Variants in TPT1 observed in about 807,000 individuals in gnomAD.
The protein encoded by TPT1 is translationally-controlled tumor protein.
A neutral mutation model predicts 22.8 loss-of-function variants in TPT1; 5 were observed. That is an observed-to-expected ratio of 0.22 (90% confidence interval 0.11 to 0.46). TPT1 has a LOEUF of 0.46. TPT1 is among the 20% of genes least tolerant of loss of function. TPT1 has a pLI of 0.99. For missense variants in TPT1, 130 were observed against 218.7 expected (o/e 0.59, Z 2.56); for synonymous variants, 89 against 73.6 (o/e 1.21, Z -1.07).
At chr13:45,340,638 C>T in intron 2 of TPT1, 74 bp downstream of exon 2, 1 of 1,509,164 alleles carries the variant, frequency 6.6e-7, no homozygotes, top group Non-Finnish European at 9.0e-7. Flanking sequence ...ATTGCACAAC[C>T]TCAGGCGGGG....
chr13:45,337,082 G>T lies in TPT1; in HGVS notation c.*304C>A, dbSNP rs1339493826. 1 of 414,732 alleles carries T rather than the reference G, an allele frequency of 2.4e-6. No individual in the cohort carries two copies. 25.7% of individuals were successfully genotyped at this position (414,732 alleles called of 1,614,324 possible). ...GTCTCCACTGTAGAAGTTAATTGAT[G>T]AGTAGTAGCCTACAATCAGGCTCTA... On this transcript the variant is annotated 3_prime_UTR_variant, in exon 6 of 6. Transcript: ENST00000530705.
Position 45,336,138 on chromosome 13 carries a change from C to T in TPT1, c.*1248G>A, listed in dbSNP as rs919665740. 2.0e-5 allele frequency: 3 copies of T among 152,232 alleles called. No individual in the cohort carries two copies. The highest frequency in any genetic ancestry group is 7.2e-5 in the African/African-American group (3 of 41,454). The allele number at this position is 152,232 out of a possible 1,614,324, so 9.4% of individuals were successfully genotyped here. ...CCTGGGCAACTAAGCGATACTCGGT[C>T]TCTACAAAAATTAGCTGGGCATAGG... is the stretch of plus-strand genomic sequence containing the variant. On this transcript the variant is annotated 3_prime_UTR_variant, in exon 6 of 6. Coordinates refer to ENST00000530705, the MANE Select transcript of TPT1 (RefSeq NM_003295.4).
chr13:45,337,596 A>G, intron 5 of TPT1: 1 of 1,596,064 alleles, frequency 6.3e-7, no homozygotes, highest in Non-Finnish European at 8.5e-7. Flanking sequence ...TTCAAGGTCT[A>G]TCAGTGGATG....
chr13:45,339,083 T>C (rs1370065453), intron 4 of TPT1: 7 of 315,140 alleles, frequency 2.2e-5, no homozygotes, highest in African/African-American at 4.3e-5. Context: ...ACAGGGAACA[T>C]AAGGCTGACA....
chr13:45,340,736 C>A lies in TPT1; in HGVS notation c.78G>T (p.Gly26=). Reference sequence around the variant, plus strand: ...CCTTCCCCTCCACCTCCAGGCACAACCCGTCCGCGATCTCCCGGATCTTGT... The same window carrying A: ...CCTTCCCCTCCACCTCCAGGCACAAACCGTCCGCGATCTCCCGGATCTTGT... ...DIYKIREIAD[G]LCLEVEGKMV... Residue 26 remains glycine, a synonymous_variant, in exon 2 of 6, where the codon GGG becomes GGT. Transcript: ENST00000530705. 1 of 1,525,478 alleles carries A rather than the reference C, an allele frequency of 6.6e-7. No individual in the cohort carries two copies. 94.5% of individuals were successfully genotyped at this position (1,525,478 alleles called of 1,614,324 possible).
At chr13:45,338,397 G>C (rs1878856164) in intron 5 of TPT1, 1 of 538,152 alleles carries the variant, frequency 1.9e-6, no homozygotes, top group African/African-American at 2.0e-5. Flanking sequence ...GAAATTACAG[G>C]TGTGAGCCAC....
At position 45,341,155 on chromosome 13, in the gene TPT1, T is replaced by G. The variant is rs543602973; in HGVS notation, c.-86A>C. The G allele has an allele frequency of 1.7e-5, 27 of 1,569,810 alleles. No homozygotes were observed. The South Asian group carries it at 2.2e-4, about 13-fold the overall frequency. On this transcript the variant is annotated 5_prime_UTR_variant, in exon 1 of 6. Coordinates refer to ENST00000530705, the MANE Select transcript of TPT1 (RefSeq NM_003295.4). Reference sequence around the variant, plus strand: ...GAGCGCGGTGCAGCCGGAGCGGCGCTCGGGGGGAGGGGGGAGCGGGCGGAA... The same window carrying G: ...GAGCGCGGTGCAGCCGGAGCGGCGCGCGGGGGGAGGGGGGAGCGGGCGGAA...
At chr13:45,337,789 TTA>T (rs1459178284) in intron 5 of TPT1, among the ~76,000 whole-genome samples, 4 of 152,352 alleles carry the variant, frequency 2.6e-5, no homozygotes, top group Admixed American at 6.5e-5. Context: ...CAGTATAGCT[TTA>T]TGTTTTTCTT....
chr13:45,335,586 T>TGGG lies in TPT1; in HGVS notation c.*1799_*1800insCCC, dbSNP rs1878619908. On this transcript the variant is annotated 3_prime_UTR_variant, in exon 6 of 6. Coordinates refer to ENST00000530705, the MANE Select transcript of TPT1 (RefSeq NM_003295.4). ...TATCATTTCAGAGGACAAAAGGCCC[T>TGGG]GTAGATGAGACTCACACTTTTCATT... 1 of 152,168 alleles carries TGGG rather than the reference T, an allele frequency of 6.6e-6. No homozygotes were observed. Among genetic ancestry groups the TGGG allele is most frequent in the African/African-American group, 2.4e-5 (1 of 41,440 alleles). 9.4% of individuals were successfully genotyped at this position (152,168 alleles called of 1,614,324 possible).
chr13:45,338,772 A>G lies in TPT1; in HGVS notation c.404T>C (p.Phe135Ser). ...ATCTGGATTCATGTTTTCACCAATA[A>G]AGAACTTGGGAAGCAAACAAAATAC... ...ILANFKNYQF[F>S]IGENMNPDGM... The change falls in exon 5 of 6, where the codon TTT (phenylalanine) becomes TCT (serine). Residue 135 changes from phenylalanine to serine, a missense_variant. Coordinates refer to ENST00000530705, the MANE Select transcript of TPT1 (RefSeq NM_003295.4). 6.3e-7 allele frequency: 1 copy of G among 1,585,234 alleles called. No individual in the cohort carries two copies. The highest frequency in any genetic ancestry group is 8.5e-7 in the Non-Finnish European group (1 of 1,171,894).
Position 45,335,386 on chromosome 13 carries a change from G to GA in TPT1, c.*1999dup, listed in dbSNP as rs958530931. The stretch of plus-strand genomic sequence containing the variant: ...GGGGAAATACCTCTTCTGCAGAACT[G>GA]AAAATCTTCAAAACAAGTTGGAGCA... On this transcript the variant is annotated 3_prime_UTR_variant, in exon 6 of 6. Coordinates refer to ENST00000530705, the MANE Select transcript of TPT1 (RefSeq NM_003295.4). The GA allele has an allele frequency of 7.2e-5, 11 of 152,228 alleles. No homozygotes were observed. The highest frequency in any genetic ancestry group is 1.5e-5 in the Non-Finnish European group (1 of 68,046). The allele number at this position is 152,228 out of a possible 1,614,324, so 9.4% of individuals were successfully genotyped here.
intron 4 of TPT1, 169 bp from the exon 5 acceptor site, chr13:45,338,945 C>A (rs41289547): frequency 1.3e-5 from 7 of 553,252 alleles, no homozygotes; most frequent in Non-Finnish European, 2.2e-5. Context: ...TGGATTAAGG[C>A]ACCTTAATAG....
chr13:45,338,902 T>A, intron 4 of TPT1, 126 bp from the exon 5 acceptor site: 1 of 714,396 alleles, frequency 1.4e-6, no homozygotes, highest in Non-Finnish European at 2.3e-6. Context: ...ACCCAAAAGC[T>A]CTGATGCTCA....
intron 3 of TPT1, 70 bp from the exon 4 acceptor site, chr13:45,339,672 T>C (rs1009901881): frequency 2.1e-6 from 3 of 1,408,334 alleles, no homozygotes; most frequent in Non-Finnish European, 2.9e-6. Flanking sequence ...AAGTAAAAAA[T>C]ATCCAAGCTT....
At chr13:45,340,909 C>T in intron 1 of TPT1, 124 bp from the exon 2 acceptor site, 3 of 1,500,650 alleles carry the variant, frequency 2.0e-6, no homozygotes, top group Non-Finnish European at 2.7e-6. Context: ...GCGCGAGCCC[C>T]GGGCACCGAC....
At position 45,336,143 on chromosome 13, in the gene TPT1, C is replaced by A. The variant is rs1199298215; in HGVS notation, c.*1243G>T. The A allele has an allele frequency of 1.3e-5, 2 of 152,178 alleles. No individual in the cohort carries two copies. Among genetic ancestry groups the A allele is most frequent in the African/African-American group, 4.8e-5 (2 of 41,422 alleles). The allele number at this position is 152,178 out of a possible 1,614,324, so 9.4% of individuals were successfully genotyped here. On this transcript the variant is annotated 3_prime_UTR_variant, in exon 6 of 6. Transcript: ENST00000530705. ...GCAACTAAGCGATACTCGGTCTCTA[C>A]AAAAATTAGCTGGGCATAGGGGTGC...
At chr13:45,340,567 G>C (rs1038557089) in intron 2 of TPT1, 145 bp downstream of exon 2, 6 of 1,048,804 alleles carry the variant, frequency 5.7e-6, no homozygotes, top group Non-Finnish European at 8.6e-6. Context: ...TCCGCCTCCA[G>C]TTTTCTAGAA....
chr13:45,335,738 G>A lies in TPT1; in HGVS notation c.*1648C>T, dbSNP rs1448719334. On this transcript the variant is annotated 3_prime_UTR_variant, in exon 6 of 6. Transcript: ENST00000530705. ...CAGACCAGCCTGGGCCACATGGCAT[G>A]ACCCCATCCCTACAAAAAATCTATC... 1 of 152,202 alleles carries A rather than the reference G, an allele frequency of 6.6e-6. No individual in the cohort carries two copies. Among genetic ancestry groups the A allele is most frequent in the African/African-American group, 2.4e-5 (1 of 41,426 alleles). The allele number at this position is 152,202 out of a possible 1,614,324, so 9.4% of individuals were successfully genotyped here. A position where few individuals can be genotyped will look rare whatever the true frequency, so the allele number is the denominator to read the frequency against.
chr13:45,341,092 C>T lies in TPT1; in HGVS notation c.-23G>A. On this transcript the variant is annotated 5_prime_UTR_variant, in exon 1 of 6. Coordinates refer to ENST00000530705, the MANE Select transcript of TPT1 (RefSeq NM_003295.4). ...CATGATGGCGACTGAAGGGAGACGA[C>T]GACGGCGCTAGCTTAGCACGAGCCT... 6.2e-7 allele frequency: 1 copy of T among 1,612,502 alleles called. No homozygotes were observed. The highest frequency in any genetic ancestry group is 8.5e-7 in the Non-Finnish European group (1 of 1,179,208).
Sources: allele counts gnomAD v4.1 joint callset (sites outside exome capture counted in the v4.1 genomes callset), GRCh38; gene constraint gnomAD v4.1.1; transcripts MANE v1.5; gene names NCBI Gene and HGNC (gene_info 2026-07-23, HGNC 2026-07-21).